The following SLMAP variants were observed in gnomAD, a reference collection of about 807,000 sequenced individuals.
The protein encoded by SLMAP is sarcolemmal membrane-associated protein.
A neutral mutation model predicts 128.8 loss-of-function variants in SLMAP; 44 were observed. That is an observed-to-expected ratio of 0.34 (90% CI 0.27 to 0.44). The LOEUF (loss-of-function observed/expected upper bound fraction) is 0.44, where lower values mean the gene tolerates loss of function less well. Ranked by LOEUF, SLMAP falls within the 20% of genes least tolerant of loss-of-function variation. The pLI is 1.00. For missense variants in SLMAP, 787 were observed against 985.3 expected, an observed-to-expected ratio of 0.80 and a Z score of 2.69; for synonymous variants, 327 against 348.8, an observed-to-expected ratio of 0.94 and a Z score of 0.70.
intron 2 of SLMAP, among the ~76,000 whole-genome samples, chr3:57,815,305 C>T (rs1483328798): frequency 6.6e-6 from 1 of 152,178 alleles, no homozygotes; most frequent in Admixed American, 6.5e-5. Flanking sequence ...TAACAGGTCA[C>T]AGACCAATAC....
At chr3:57,908,114 A>C in intron 18 of SLMAP, 108 bp downstream of exon 18, 1 of 995,528 alleles carries the variant, frequency 1.0e-6, no homozygotes, top group Non-Finnish European at 1.5e-6. Flanking sequence ...TCACAACTTT[A>C]TGAGATATGT....
chr3:57,831,356 C>CTT, intron 2 of SLMAP, 27 bp from the exon 3 acceptor site: 1 of 1,426,458 alleles, frequency 7.0e-7, no homozygotes, highest in Non-Finnish European at 9.3e-7. Flanking sequence ...ATATTTGGCC[C>CTT]TTTTTTGTTT....
At chr3:57,841,709 T>G (rs1370116653) in intron 4 of SLMAP, among the ~76,000 whole-genome samples, 1 of 152,160 alleles carries the variant, frequency 6.6e-6, no homozygotes, top group African/African-American at 2.4e-5. Context: ...TATTTTCATT[T>G]AATATAGGAC....
rs561051435 is a variant in SLMAP, at chr3:57,851,793, G to A, written c.519+1977G>A. Among the ~76,000 whole-genome samples, 43 of 151,076 alleles carry A rather than the reference G, an allele frequency of 2.8e-4. 1 individual carries two copies. The South Asian group carries it at 8.6e-3, about 30-fold the overall frequency. On this transcript the variant is annotated intron_variant, in intron 6 of 24. Coordinates refer to ENST00000671191, the MANE Select transcript of SLMAP (RefSeq NM_001377540.1). ...AGCCACCGCACCAGGCAAGATTGAG[G>A]TTTTTATCTTAGTTCTGCTACTCAA...
intron 14 of SLMAP, among the ~76,000 whole-genome samples, chr3:57,874,903 T>C (rs972964738): frequency 6.6e-6 from 1 of 152,178 alleles, no homozygotes; most frequent in Non-Finnish European, 1.5e-5. Flanking sequence ...TCTATTTTAT[T>C]ATTGAACATT....
chr3:57,822,398 A>G (rs1182719338), intron 2 of SLMAP, among the ~76,000 whole-genome samples: 1 of 152,090 alleles, frequency 6.6e-6, no homozygotes, highest in East Asian at 1.9e-4. Context: ...ATCTGATGCC[A>G]CGGAAAAAGG....
chr3:57,906,132 G>A (rs931782222), intron 17 of SLMAP, among the ~76,000 whole-genome samples: 1 of 150,030 alleles, frequency 6.7e-6, no homozygotes, highest in African/African-American at 2.5e-5. Context: ...GCAGACTCCA[G>A]TGGATAGTGT....
intron 3 of SLMAP, among the ~76,000 whole-genome samples, chr3:57,838,710 GCA>G (rs2093760557): frequency 6.6e-6 from 1 of 152,214 alleles, no homozygotes; most frequent in South Asian, 2.1e-4. Flanking sequence ...AGACTAAGTA[GCA>G]CATGGTCATG....
In SLMAP at chr3:57,896,870, T is replaced by C. The variant is rs971076928; in HGVS notation, c.1442-3T>C. 1.2e-6 allele frequency: 2 copies of C among 1,603,610 alleles called. No individual in the cohort carries two copies. The highest frequency in any genetic ancestry group is 1.7e-6 in the Non-Finnish European group (2 of 1,177,062). On this transcript the variant is annotated splice_region_variant and splice_polypyrimidine_tract_variant and intron_variant, in intron 16 of 24. Transcript: ENST00000671191. ...TATATATGTATTTTTTTCCTCTCTG[T>C]AGACGCCCAAATGGATGAGCAAGAC...
intron 14 of SLMAP, among the ~76,000 whole-genome samples, chr3:57,875,469 C>G (rs2095583204): frequency 6.6e-6 from 1 of 152,122 alleles, no homozygotes; most frequent in Non-Finnish European, 1.5e-5. Flanking sequence ...GAACCATGAT[C>G]ACACCATTGC....
intron 2 of SLMAP, among the ~76,000 whole-genome samples, chr3:57,763,888 T>C (rs1258663265): frequency 6.6e-6 from 1 of 152,190 alleles, no homozygotes; most frequent in Non-Finnish European, 1.5e-5. Flanking sequence ...TAATTTTGAA[T>C]GAGCTTTGCA....
intron 14 of SLMAP, among the ~76,000 whole-genome samples, chr3:57,880,169 T>TTTTTGTTTTGTTTTGTTTTGTTTTG (rs74656522): frequency 1.4e-4 from 21 of 147,992 alleles, no homozygotes; most frequent in Non-Finnish European, 3.0e-4. Flanking sequence ...TTGTATGTCA[T>TTTTTGTTTTGTTTTGTTTTGTTTTG]TTTTGTTTTG....
At chr3:57,920,108 G>A (rs1401673233) in intron 22 of SLMAP, among the ~76,000 whole-genome samples, 1 of 152,192 alleles carries the variant, frequency 6.6e-6, no homozygotes, top group East Asian at 1.9e-4. Flanking sequence ...TCCCTGTTAA[G>A]AATCAGATCA....
chr3:57,793,451 G>T (rs2085969223), intron 2 of SLMAP, among the ~76,000 whole-genome samples: 1 of 152,076 alleles, frequency 6.6e-6, no homozygotes, highest in Non-Finnish European at 1.5e-5. Flanking sequence ...ATTGATAAAA[G>T]TTTCTGTCCG....
chr3:57,855,108 G>C (rs947011909), intron 6 of SLMAP, among the ~76,000 whole-genome samples: 1 of 152,058 alleles, frequency 6.6e-6, no homozygotes, highest in African/African-American at 2.4e-5. Context: ...ATAGAAAAAG[G>C]CTGGAGGCAG....
intron 2 of SLMAP, among the ~76,000 whole-genome samples, chr3:57,764,815 A>G (rs1235053975): frequency 6.6e-6 from 1 of 152,244 alleles, no homozygotes; most frequent in Admixed American, 6.5e-5. Flanking sequence ...GTGCTATTCT[A>G]AAGGCTTTAT....
intron 15 of SLMAP, among the ~76,000 whole-genome samples, chr3:57,892,696 G>C (rs2096113797): frequency 6.6e-6 from 1 of 152,012 alleles, no homozygotes; most frequent in African/African-American, 2.4e-5. Flanking sequence ...TGTAATGCCA[G>C]TATTTTGGGA....
chr3:57,795,277 C>T (rs189667699), intron 2 of SLMAP, among the ~76,000 whole-genome samples: 288 of 152,296 alleles, frequency 1.9e-3, no homozygotes, highest in African/African-American at 6.2e-3. Context: ...TGGTGGCTCA[C>T]GCCTGTAATC....
Position 57,906,933 on chromosome 3 carries a change from C to T in SLMAP, c.1502-951C>T, listed in dbSNP as rs1206329323. On this transcript the variant is annotated intron_variant, in intron 17 of 24. Coordinates refer to ENST00000671191, the MANE Select transcript of SLMAP (RefSeq NM_001377540.1). ...AGAGGAAGGAGTTTAGGGGAAGGGGCATATTTGAAATAGAATGCTGGATTT... is the reference window on the plus strand; with the variant it reads ...AGAGGAAGGAGTTTAGGGGAAGGGGTATATTTGAAATAGAATGCTGGATTT... 2.0e-5 allele frequency among the ~76,000 whole-genome samples: 3 copies of T among 151,502 alleles called. No individual in the cohort carries two copies. In the East Asian group the frequency reaches 5.8e-4, roughly 29 times the overall value.
Sources: allele counts gnomAD v4.1 joint callset (sites outside exome capture counted in the v4.1 genomes callset), GRCh38; gene constraint gnomAD v4.1.1; transcripts MANE v1.5; gene names NCBI Gene and HGNC (gene_info 2026-07-23, HGNC 2026-07-21).